The following PLD2 variants were observed in gnomAD, a reference collection of about 807,000 sequenced individuals.
The protein encoded by PLD2 is choline phosphatase 2.
Under a neutral mutation model 119.8 loss-of-function variants are expected in PLD2, and 101 were observed. The ratio of observed to expected loss-of-function variants is 0.84; its 90% CI spans 0.72 to 0.99. The LOEUF is 0.99. PLD2 is among the 50% of genes least tolerant of loss of function. The probability of loss-of-function intolerance (pLI) is 0.00; values close to 1 mark genes in which losing one functional copy is unlikely to be tolerated. For missense variants in PLD2, 1,164 were observed against 1,226.8 expected, an observed-to-expected ratio of 0.95 and a Z score of 0.76; for synonymous variants, 494 against 482.8, an observed-to-expected ratio of 1.02 and a Z score of -0.30.
chr17:4,820,669 AG>A (rs1907582126), intron 23 of PLD2, among the ~76,000 whole-genome samples: 1 of 116,250 alleles, frequency 8.6e-6, no homozygotes, highest in Non-Finnish European at 1.8e-5. Flanking sequence ...TCCGCCGCCC[AG>A]GGTTCATGCC....
chr17:4,819,119 G>C lies in PLD2; in HGVS notation c.2209G>C (p.Gly737Arg). 1 of 1,614,162 alleles carries C rather than the reference G, an allele frequency of 6.2e-7. No individual in the cohort carries two copies. The highest frequency in any genetic ancestry group is 8.5e-7 in the Non-Finnish European group (1 of 1,180,036). The change falls in exon 22 of 25, where the codon GGG becomes CGG. Residue 737 changes from glycine (G) to arginine (R), a missense_variant. Gly to Arg is a moderately radical substitution (Grantham distance 125, BLOSUM62 -2). Transcript: ENST00000263088. This position sits in a 1 kb window ranked among gnomAD's most constrained non-coding sequence, Gnocchi z 4.2. Reference protein sequence around the residue: ...TAWRDYISICGLRTHGELGGH... With the variant: ...TAWRDYISICRLRTHGELGGH... ...ATGGCGGGACTATATTTCCATCTGC[G>C]GGCTTCGTACACACGGAGAGCTGGG... is the stretch of plus-strand genomic sequence containing the variant.
In PLD2 at chr17:4,807,729, C is replaced by G; in HGVS notation, c.-1-43C>G. ...CGGGAGTTAGGATGGGGGGCGGGTT[C>G]TGCAGGACAGCTCGCCTCCCTGAGG... On this transcript the variant is annotated intron_variant, in intron 1 of 24. Transcript: ENST00000263088. The surrounding 1 kb of genome is among the most constrained non-coding windows in gnomAD (Gnocchi z 5.4). 8.8e-7 allele frequency: 1 copy of G among 1,132,214 alleles called. No homozygotes were observed. The highest frequency in any genetic ancestry group is 1.2e-5 in the South Asian group (1 of 80,312). 70.1% of individuals were successfully genotyped at this position (1,132,214 alleles called of 1,614,324 possible).
chr17:4,819,273 G>C lies in PLD2; in HGVS notation c.2308+55G>C. On this transcript the variant is annotated intron_variant, in intron 22 of 24. Coordinates refer to ENST00000263088, the MANE Select transcript of PLD2 (RefSeq NM_002663.5). The surrounding 1 kb of genome is among the most constrained non-coding windows in gnomAD (Gnocchi z 4.2). ...GAGAGGGTGTGGGGACAGGCGAAGA[G>C]ATGAGAGGCAGGATGACAGAGACTG... 2 of 1,608,036 alleles carry C rather than the reference G, an allele frequency of 1.2e-6. No individual in the cohort carries two copies. Among genetic ancestry groups the C allele is most frequent in the Non-Finnish European group, 1.7e-6 (2 of 1,176,698 alleles).
intron 6 of PLD2, 57 bp downstream of exon 6, chr17:4,809,420 G>A (rs1810252657): frequency 5.6e-6 from 9 of 1,611,846 alleles, no homozygotes; most frequent in Non-Finnish European, 7.6e-6. Flanking sequence ...CCTCGGGGAG[G>A]AGGGCCAGGG....
Position 4,819,414 on chromosome 17 carries a change from C to A in PLD2, c.2309-15C>A. ...CCTGGGCCCAAGCACACAGTGTGCC[C>A]CGCATCCACCCCAGGTTCTGCAAAC... is the stretch of plus-strand genomic sequence containing the variant. On this transcript the variant is annotated splice_polypyrimidine_tract_variant and intron_variant, in intron 22 of 24. Transcript: ENST00000263088. This position sits in a 1 kb window ranked among gnomAD's most constrained non-coding sequence, Gnocchi z 4.2. 1.9e-6 allele frequency: 3 copies of A among 1,611,980 alleles called. No individual in the cohort carries two copies. Among genetic ancestry groups the A allele is most frequent in the Non-Finnish European group, 2.5e-6 (3 of 1,179,100 alleles).
intron 10 of PLD2, among the ~76,000 whole-genome samples, chr17:4,812,373 C>T (rs1274191311): frequency 2.0e-5 from 3 of 149,726 alleles, no homozygotes; most frequent in Non-Finnish European, 4.4e-5. Context: ...CACCTCACTG[C>T]AACCTCTGAC....
chr17:4,819,048 G>A lies in PLD2; in HGVS notation c.2174-36G>A, dbSNP rs1202464688. The A allele has an allele frequency of 8.7e-6, 14 of 1,611,822 alleles. No homozygotes were observed. Among genetic ancestry groups the A allele is most frequent in the Non-Finnish European group, 1.2e-5 (14 of 1,178,818 alleles). On this transcript the variant is annotated intron_variant, in intron 21 of 24. Coordinates refer to ENST00000263088, the MANE Select transcript of PLD2 (RefSeq NM_002663.5). This position sits in a 1 kb window ranked among gnomAD's most constrained non-coding sequence, Gnocchi z 4.2. Reference sequence around the variant, plus strand: ...TGGGACAGGGCCCTGTGCACACAGAGCCACCTCTCACCTCACTTCCCCTCC... The same window carrying A: ...TGGGACAGGGCCCTGTGCACACAGAACCACCTCTCACCTCACTTCCCCTCC...
rs1907445995 is a variant in PLD2 at position 4,819,704 on chromosome 17, C to G, written c.2462+122C>G. Reference sequence around the variant, plus strand: ...CCAGAGGTAGAGGCAGTACTAGATTCTCAATAGGCAAGGCTGGGCGCGGCA... The same window carrying G: ...CCAGAGGTAGAGGCAGTACTAGATTGTCAATAGGCAAGGCTGGGCGCGGCA... On this transcript the variant is annotated intron_variant, in intron 23 of 24. Transcript: ENST00000263088. This position sits in a 1 kb window ranked among gnomAD's most constrained non-coding sequence, Gnocchi z 4.2. 1 of 978,660 alleles carries G rather than the reference C, an allele frequency of 1.0e-6. No individual in the cohort carries two copies. The highest frequency in any genetic ancestry group is 1.5e-6 in the Non-Finnish European group (1 of 677,976). The allele number at this position is 978,660 out of a possible 1,614,324, so 60.6% of individuals were successfully genotyped here. A position where few individuals can be genotyped will look rare whatever the true frequency, so the allele number is the denominator to read the frequency against.
chr17:4,810,091 G>A, intron 9 of PLD2, 62 bp downstream of exon 9: 1 of 1,553,846 alleles, frequency 6.4e-7, no homozygotes, highest in Middle Eastern at 2.3e-4. Context: ...GGCCTTGCTG[G>A]GAGTTGAGAA....
rs199749076 is a variant in PLD2 at position 4,819,267 on chromosome 17, C to T, written c.2308+49C>T. On this transcript the variant is annotated intron_variant, in intron 22 of 24. Coordinates refer to ENST00000263088, the MANE Select transcript of PLD2 (RefSeq NM_002663.5). This position sits in a 1 kb window ranked among gnomAD's most constrained non-coding sequence, Gnocchi z 4.2. ...GGCAGGGAGAGGGTGTGGGGACAGGCGAAGAGATGAGAGGCAGGATGACAG... is the reference window on the plus strand; with the variant it reads ...GGCAGGGAGAGGGTGTGGGGACAGGTGAAGAGATGAGAGGCAGGATGACAG... The T allele has an allele frequency of 1.8e-5, 29 of 1,608,326 alleles. No individual in the cohort carries two copies. The East Asian group carries it at 4.7e-4, about 26-fold the overall frequency.
chr17:4,811,295 T>G (rs1304713950), intron 10 of PLD2, among the ~76,000 whole-genome samples: 1 of 115,626 alleles, frequency 8.6e-6, no homozygotes, highest in Non-Finnish European at 1.7e-5. Flanking sequence ...ACATTTTCTT[T>G]TCTTTTTTTT....
intron 17 of PLD2, 194 bp downstream of exon 17, chr17:4,817,453 G>C (rs987083263): frequency 5.1e-6 from 3 of 586,370 alleles, no homozygotes; most frequent in Admixed American, 5.7e-5. Flanking sequence ...ACAAGGTCCG[G>C]AGATCGAGAC....
chr17:4,808,189 A>G lies in PLD2; in HGVS notation c.240+75A>G. The G allele has an allele frequency of 6.3e-7, 1 of 1,591,254 alleles. No individual in the cohort carries two copies. ...GATCCAAGGTGGCTGGGCTGGCCCCAGGGAAGGGGCAAAAGGAGGGCTGGC... is the reference window on the plus strand; with the variant it reads ...GATCCAAGGTGGCTGGGCTGGCCCCGGGGAAGGGGCAAAAGGAGGGCTGGC... On this transcript the variant is annotated intron_variant, in intron 3 of 24. Transcript: ENST00000263088. This position sits in a 1 kb window ranked among gnomAD's most constrained non-coding sequence, Gnocchi z 4.1.
Position 4,815,488 on chromosome 17 carries a change from C to G in PLD2, c.1186C>G (p.Arg396Gly). 2 of 1,608,244 alleles carry G rather than the reference C, an allele frequency of 1.2e-6. No homozygotes were observed. The highest frequency in any genetic ancestry group is 1.7e-6 in the Non-Finnish European group (2 of 1,174,776). The stretch of plus-strand genomic sequence containing the variant: ...AACTCACCACCAGGAGGAGGGTGTC[C>G]GTGTGTCTATTCTGCTGTTTAAAGA... ...MLKRKAEEGV[R>G]VSILLFKEVE... The change falls in exon 13 of 25, where the codon CGT becomes GGT. Residue 396 changes from arginine (R) to glycine (G), a missense_variant. Transcript: ENST00000263088.
rs185427729 is a variant in PLD2 at position 4,819,003 on chromosome 17, G to A, written c.2174-81G>A. 14,868 of 1,577,164 alleles carry A rather than the reference G, an allele frequency of 9.4e-3. 106 individuals are homozygous for A. Among genetic ancestry groups the A allele is most frequent in the South Asian group, 0.014 (1,235 of 86,526 alleles). On this transcript the variant is annotated intron_variant, in intron 21 of 24. Coordinates refer to ENST00000263088, the MANE Select transcript of PLD2 (RefSeq NM_002663.5). The surrounding 1 kb of genome is among the most constrained non-coding windows in gnomAD (Gnocchi z 4.2). ...AGAGACCAGACTCTATGTAGGAAGAGTTTCTGGAGTGAGAGGAGGTGGGAC... is the reference window on the plus strand; with the variant it reads ...AGAGACCAGACTCTATGTAGGAAGAATTTCTGGAGTGAGAGGAGGTGGGAC...
intron 10 of PLD2, 125 bp from the exon 11 acceptor site, chr17:4,814,293 T>C: frequency 6.9e-7 from 1 of 1,452,462 alleles, no homozygotes; most frequent in South Asian, 1.3e-5. Flanking sequence ...CCACTTGTGT[T>C]CTCTGATCAT....
Position 4,822,973 on chromosome 17 carries a change from G to T in PLD2, c.*109G>T. On this transcript the variant is annotated 3_prime_UTR_variant, in exon 25 of 25. Transcript: ENST00000263088. ...GCAGTGCCCTTTGAGATCTGGGGAGGCAGGCATTCCTGAAGGGAACTAGAG... is the reference window on the plus strand; with the variant it reads ...GCAGTGCCCTTTGAGATCTGGGGAGTCAGGCATTCCTGAAGGGAACTAGAG... The T allele has an allele frequency of 1.5e-6, 1 of 650,630 alleles. No homozygotes were observed. The allele number at this position is 650,630 out of a possible 1,614,324, so 40.3% of individuals were successfully genotyped here. A position where few individuals can be genotyped will look rare whatever the true frequency, so the allele number is the denominator to read the frequency against.
At position 4,818,008 on chromosome 17, in the gene PLD2, C is replaced by T. The variant is rs767851614; in HGVS notation, c.1822C>T (p.Arg608Ter). ...CGCATTCACCATTCCCTAGGTCTTGCGATCAGTGGACCGCTGGTCAGCAGG... is the reference window on the plus strand; with the variant it reads ...CGCATTCACCATTCCCTAGGTCTTGTGATCAGTGGACCGCTGGTCAGCAGG... ...GGQCTTVQVL[R>*]SVDRWSAGTL... The change falls in exon 18 of 25, where the codon CGA (arginine) becomes TGA (stop). Residue 608 changes from arginine to a stop codon, truncating the protein, a stop_gained. Transcript: ENST00000263088. LOFTEE classifies it high-confidence loss of function. 5 of 1,609,534 alleles carry T rather than the reference C, an allele frequency of 3.1e-6. No individual in the cohort carries two copies. The highest frequency in any genetic ancestry group is 3.4e-6 in the Non-Finnish European group (4 of 1,175,816).
chr17:4,818,905 A>G lies in PLD2; in HGVS notation c.2173+82A>G, dbSNP rs1907333642. ...GCGCTGCAGGCCTGGGGGTGGGGGA[A>G]GGAGGCTGTCACTCCTGTGAGCCTC... On this transcript the variant is annotated intron_variant, in intron 21 of 24. Transcript: ENST00000263088. The G allele has an allele frequency of 4.6e-6, 7 of 1,516,932 alleles. No individual in the cohort carries two copies. In the South Asian group the frequency reaches 5.9e-5, roughly 13 times the overall value. 94.0% of individuals were successfully genotyped at this position (1,516,932 alleles called of 1,614,324 possible).
Sources: allele counts gnomAD v4.1 joint callset (sites outside exome capture counted in the v4.1 genomes callset), GRCh38; gene constraint gnomAD v4.1.1; non-coding constraint Gnocchi (gnomAD v3.1); transcripts MANE v1.5; gene names NCBI Gene and HGNC (gene_info 2026-07-23, HGNC 2026-07-21).